ARHGAP40: variants seen among roughly 807,000 people sequenced by gnomAD.
The protein encoded by ARHGAP40 is Rho GTPase activating protein 40.
In ARHGAP40, 43 loss-of-function variants were observed where a neutral mutation model predicts 73.5. The observed-to-expected ratio is 0.58, with a 90% CI of 0.46 to 0.75. ARHGAP40 has a LOEUF of 0.75. ARHGAP40 is among the 30% of genes least tolerant of loss of function. ARHGAP40 has a pLI of 0.00. For missense variants in ARHGAP40, 734 were observed against 861.8 expected (o/e 0.85, Z 1.86); for synonymous variants, 300 against 352.8 (o/e 0.85, Z 1.68).
At chr20:38,642,008 G>C (rs2089021838) in intron 10 of ARHGAP40, among the ~76,000 whole-genome samples, 200 bp downstream of exon 10, 1 of 152,144 alleles carries the variant, frequency 6.6e-6, no homozygotes. Flanking sequence ...GTCCCGGAGT[G>C]GGCACTGCAG....
At chr20:38,614,479 C>T (rs998694393) in intron 1 of ARHGAP40, among the ~76,000 whole-genome samples, 1 of 151,948 alleles carries the variant, frequency 6.6e-6, no homozygotes, top group African/African-American at 2.4e-5. Context: ...TCTATAGGAG[C>T]GTCTAAATTT....
chr20:38,603,394 AGTTT>A (rs771639684), intron 1 of ARHGAP40, among the ~76,000 whole-genome samples: 76 of 148,030 alleles, frequency 5.1e-4, no homozygotes, highest in Non-Finnish European at 9.4e-4. Flanking sequence ...GCCAAAGACA[AGTTT>A]GTTTATCTGT....
At chr20:38,623,595 G>A (rs2088885408) in intron 2 of ARHGAP40, 37 bp downstream of exon 2, 4 of 1,251,666 alleles carry the variant, frequency 3.2e-6, no homozygotes, top group African/African-American at 1.5e-5. Flanking sequence ...GGGGTGGTGG[G>A]AGGGCTTGAT....
At chr20:38,631,966 T>A (rs2088942166) in intron 5 of ARHGAP40, among the ~76,000 whole-genome samples, 2 of 152,140 alleles carry the variant, frequency 1.3e-5, no homozygotes, top group Non-Finnish European at 1.5e-5. Flanking sequence ...TATTTATTTA[T>A]TTAATTTTTT....
chr20:38,612,712 G>A (rs1858239885), intron 1 of ARHGAP40, among the ~76,000 whole-genome samples: 1 of 151,766 alleles, frequency 6.6e-6, no homozygotes, highest in African/African-American at 2.4e-5. Context: ...AAAAGAAAAG[G>A]AAAGGAAAGA....
chr20:38,623,591 G>C, intron 2 of ARHGAP40, 33 bp downstream of exon 2: 1 of 1,256,446 alleles, frequency 8.0e-7, no homozygotes, highest in Non-Finnish European at 1.0e-6. Flanking sequence ...TATAGGGGTG[G>C]TGGGAGGGCT....
intron 1 of ARHGAP40, among the ~76,000 whole-genome samples, chr20:38,619,067 G>GC (rs1317137569): frequency 2.0e-5 from 3 of 152,236 alleles, no homozygotes; most frequent in Non-Finnish European, 4.4e-5. Context: ...TGGAGAAGCA[G>GC]ATGGCAGAGA....
At position 38,647,930 on chromosome 20, in the gene ARHGAP40, G is replaced by T. The variant is rs555838111; in HGVS notation, c.1881-713G>T. On this transcript the variant is annotated intron_variant, in intron 13 of 14. Transcript: ENST00000373345. The stretch of plus-strand genomic sequence containing the variant: ...GCTTCCAGGCACAGAAAACTGCACA[G>T]TAAAGGTCCTGCAGCAAGGAGCAGA... Among the ~76,000 whole-genome samples the T allele has an allele frequency of 4.5e-4, 69 of 152,376 alleles. 3 individuals are homozygous for T. The South Asian group carries it at 0.013, about 28-fold the overall frequency.
At chr20:38,637,212 C>T (rs1194165292) in intron 6 of ARHGAP40, among the ~76,000 whole-genome samples, 1 of 151,494 alleles carries the variant, frequency 6.6e-6, no homozygotes, top group Non-Finnish European at 1.5e-5. Context: ...ATGGTGCAAT[C>T]TTGGCTCACT....
chr20:38,607,039 T>C (rs1320745247), intron 1 of ARHGAP40, among the ~76,000 whole-genome samples: 1 of 152,166 alleles, frequency 6.6e-6, no homozygotes, highest in Non-Finnish European at 1.5e-5. Flanking sequence ...GTTGTGAGGA[T>C]AAAATGACAT....
exon 15 of ARHGAP40, chr20:38,650,514 G>A: frequency 2.1e-6 from 1 of 468,464 alleles, no homozygotes; most frequent in South Asian, 1.6e-5. Flanking sequence ...ACCAGCCCCG[G>A]GAGAAATGGA....
At chr20:38,619,965 G>C (rs977788187) in intron 1 of ARHGAP40, among the ~76,000 whole-genome samples, 2 of 152,112 alleles carry the variant, frequency 1.3e-5, no homozygotes, top group African/African-American at 2.4e-5. Context: ...CTAGCTACTT[G>C]GGGGGCTGAG....
At chr20:38,635,429 C>T (rs4812093) in intron 6 of ARHGAP40, among the ~76,000 whole-genome samples, 1 of 152,002 alleles carries the variant, frequency 6.6e-6, no homozygotes, top group South Asian at 2.1e-4. Flanking sequence ...TTTGGGAGGC[C>T]GAGGTGGGAG....
chr20:38,625,023 G>A (rs2088891735), intron 2 of ARHGAP40, among the ~76,000 whole-genome samples: 1 of 152,228 alleles, frequency 6.6e-6, no homozygotes, highest in Admixed American at 6.5e-5. Context: ...GGGAATGAAA[G>A]GGCTCCACAT....
chr20:38,627,551 GTGTTGGGGTA>G (rs2088908310), intron 3 of ARHGAP40, among the ~76,000 whole-genome samples: 2 of 148,948 alleles, frequency 1.3e-5, no homozygotes, highest in Admixed American at 6.7e-5. Context: ...GTGTTGGTGT[GTGTTGGGGTA>G]TGTGTGTTGA....
exon 15 of ARHGAP40, chr20:38,649,867 G>A: frequency 7.7e-7 from 1 of 1,300,924 alleles, no homozygotes; most frequent in Non-Finnish European, 1.0e-6. Flanking sequence ...AGTCTCAGGA[G>A]CAGCCTGGAT....
At chr20:38,607,009 G>A (rs1013528115) in intron 1 of ARHGAP40, among the ~76,000 whole-genome samples, 4 of 152,120 alleles carry the variant, frequency 2.6e-5, no homozygotes, top group Admixed American at 1.3e-4. Context: ...TGTGAACAGC[G>A]GTACCTGCTT....
intron 9 of ARHGAP40, 94 bp from the exon 10 acceptor site, chr20:38,641,632 C>T (rs2089018933): frequency 4.3e-6 from 4 of 929,158 alleles, no homozygotes; most frequent in Middle Eastern, 5.2e-4. Context: ...TGTCCCCTGG[C>T]TTTCCAGCTC....
Position 38,627,235 on chromosome 20 carries a change from T to G in ARHGAP40, c.558+20T>G. The G allele has an allele frequency of 7.7e-7, 1 of 1,301,280 alleles. No individual in the cohort carries two copies. The highest frequency in any genetic ancestry group is 1.0e-6 in the Non-Finnish European group (1 of 985,606). 80.6% of individuals were successfully genotyped at this position (1,301,280 alleles called of 1,614,324 possible). Reference sequence around the variant, plus strand: ...TCAGGGGTAAGTGGCATATGGGTCATTGCAGGCCCCGTCTGACTGGGATCT... The same window carrying G: ...TCAGGGGTAAGTGGCATATGGGTCAGTGCAGGCCCCGTCTGACTGGGATCT... On this transcript the variant is annotated intron_variant, in intron 3 of 14. Coordinates refer to ENST00000373345, the Ensembl canonical transcript of ARHGAP40.
Sources: gnomAD v4.1 joint callset for allele counts (sites outside exome capture counted in the v4.1 genomes callset) on GRCh38, gnomAD v4.1.1 for gene constraint, MANE v1.5 for transcripts, NCBI Gene and HGNC (gene_info 2026-07-23, HGNC 2026-07-21) for gene names.